The following TNRC6C variants were observed in gnomAD, a reference collection of about 807,000 sequenced individuals.
TNRC6C encodes the protein trinucleotide repeat containing adaptor 6C.
TNRC6C carries 20 observed loss-of-function variants against 153.7 expected under a neutral mutation model. The observed-to-expected ratio is 0.13, with a 90% CI of 0.09 to 0.19. TNRC6C has a LOEUF of 0.19. Among genes scored for constraint, TNRC6C ranks in the 10% least tolerant of loss-of-function variants. TNRC6C has a pLI of 1.00. For missense variants in TNRC6C, 1,987 were observed against 2,172.0 expected (o/e 0.91, Z 1.69); for synonymous variants, 811 against 841.4 (o/e 0.96, Z 0.63).
At chr17:78,087,474 G>A (rs895898056) in intron 13 of TNRC6C, among the ~76,000 whole-genome samples, 1 of 141,154 alleles carries the variant, frequency 7.1e-6, no homozygotes. Context: ...CAGGAGTTTT[G>A]CCGCTGCCAA....
At chr17:77,998,036 T>C (rs1430134730) in intron 1 of TNRC6C, among the ~76,000 whole-genome samples, 2 of 152,196 alleles carry the variant, frequency 1.3e-5, no homozygotes, top group Non-Finnish European at 1.5e-5. Flanking sequence ...TGCAGTACCA[T>C]TCACTCTGTG....
intron 3 of TNRC6C, 26 bp from the exon 6 acceptor site, chr17:78,064,696 T>C (rs2072837228): frequency 6.2e-7 from 1 of 1,608,654 alleles, no homozygotes; most frequent in Non-Finnish European, 8.5e-7. Context: ...TTCATTATTT[T>C]CTCTACCCCT....
At chr17:78,090,111 G>C (rs571652627) in intron 13 of TNRC6C, among the ~76,000 whole-genome samples, 1 of 152,232 alleles carries the variant, frequency 6.6e-6, no homozygotes, top group African/African-American at 2.4e-5. Context: ...TTGCAAAGGC[G>C]TTTTGTTAGG....
At chr17:78,071,270 T>A (rs2072991075) in intron 6 of TNRC6C, 105 bp downstream of exon 8, 1 of 1,149,890 alleles carries the variant, frequency 8.7e-7, no homozygotes, top group Non-Finnish European at 1.3e-6. Context: ...ACACCAAGAT[T>A]GTTTGAGGAA....
chr17:77,975,692 A>G (rs1382656379), intron 1 of TNRC6C, among the ~76,000 whole-genome samples: 1 of 152,208 alleles, frequency 6.6e-6, no homozygotes, highest in African/African-American at 2.4e-5. Context: ...GTAAAGGTTC[A>G]ACAACAGAAG....
chr17:77,990,320 A>G (rs369197576), intron 1 of TNRC6C, among the ~76,000 whole-genome samples: 5 of 152,342 alleles, frequency 3.3e-5, no homozygotes, highest in East Asian at 3.9e-4. Flanking sequence ...GATCTCATCA[A>G]TAACTGATTG....
At chr17:78,000,596 C>G (rs1378107597), upstream of TNRC6C, among the ~76,000 whole-genome samples, 1 of 133,560 alleles carries the variant, frequency 7.5e-6, no homozygotes, top group African/African-American at 2.9e-5. Flanking sequence ...CACACACACT[C>G]TCTGTCTCTC....
At chr17:78,072,363 T>C (rs375414163) in intron 6 of TNRC6C, among the ~76,000 whole-genome samples, 1 of 152,234 alleles carries the variant, frequency 6.6e-6, no homozygotes, top group Non-Finnish European at 1.5e-5. Context: ...GAAAAGTTGT[T>C]GATGGTGGAG....
At chr17:78,093,303 C>T in intron 15 of TNRC6C, 179 bp downstream of exon 17, 1 of 776,800 alleles carries the variant, frequency 1.3e-6, no homozygotes, top group Non-Finnish European at 2.0e-6. Context: ...GTATGGTTAG[C>T]ATCAGGCATT....
intron 1 of TNRC6C, among the ~76,000 whole-genome samples, chr17:78,028,789 C>T (rs972667463): frequency 6.6e-6 from 1 of 152,178 alleles, no homozygotes; most frequent in Non-Finnish European, 1.5e-5. Flanking sequence ...ATAGCTGTTT[C>T]TCAGCTATCA....
chr17:78,014,356 A>G (rs1465831988), intron 1 of TNRC6C, among the ~76,000 whole-genome samples: 1 of 152,190 alleles, frequency 6.6e-6, no homozygotes, highest in East Asian at 1.9e-4. Flanking sequence ...AATGTTACAT[A>G]TGAGAAGATT....
At position 78,031,703 on chromosome 17, in the gene TNRC6C, G is replaced by T; in HGVS notation, c.-358G>T. On this transcript the variant is annotated 5_prime_UTR_variant, in exon 2 of 20. Coordinates refer to ENST00000301624, the Ensembl canonical transcript of TNRC6C. The stretch of plus-strand genomic sequence containing the variant: ...GCTTCCGCCAGCAAGAACAGAAGCA[G>T]CTATTAAAGAGAGGCCAGCCATTGC... The T allele has an allele frequency of 3.2e-6, 4 of 1,232,358 alleles. No individual in the cohort carries two copies. In the East Asian group the frequency reaches 1.3e-4, roughly 39 times the overall value. The allele number at this position is 1,232,358 out of a possible 1,614,324, so 76.3% of individuals were successfully genotyped here.
intron 1 of TNRC6C, among the ~76,000 whole-genome samples, chr17:77,980,375 A>G (rs2071057797): frequency 6.6e-6 from 1 of 152,130 alleles, no homozygotes; most frequent in South Asian, 2.1e-4. Context: ...CTCGGCTCTC[A>G]CTCTACAACA....
chr17:78,050,456 C>A, exon 3 of TNRC6C: 3 of 1,614,002 alleles, frequency 1.9e-6, no homozygotes, highest in Non-Finnish European at 2.5e-6. Context: ...TTTGAAGAAT[C>A]CCCTAGGTCT....
chr17:77,991,429 G>A (rs978252149), intron 1 of TNRC6C, among the ~76,000 whole-genome samples: 1 of 152,180 alleles, frequency 6.6e-6, no homozygotes, highest in Non-Finnish European at 1.5e-5. Flanking sequence ...TTTTAGATGG[G>A]CACGTTTAGA....
chr17:78,083,148 G>T, exon 11 of TNRC6C: 2 of 1,613,886 alleles, frequency 1.2e-6, no homozygotes, highest in Non-Finnish European at 1.7e-6. Context: ...TGTTGAACCA[G>T]CTCTATCAGC....
At chr17:78,054,064 C>G (rs960512814) in intron 3 of TNRC6C, among the ~76,000 whole-genome samples, 1 of 152,158 alleles carries the variant, frequency 6.6e-6, no homozygotes, top group Non-Finnish European at 1.5e-5. Context: ...TGCTCCTAGG[C>G]TACAAACCTG....
chr17:77,964,595 T>C (rs2070883752), intron 1 of TNRC6C, among the ~76,000 whole-genome samples: 1 of 152,236 alleles, frequency 6.6e-6, no homozygotes, highest in Non-Finnish European at 1.5e-5. Context: ...GATCATTTCT[T>C]TTTAATTACT....
chr17:78,042,847 G>A (rs1280526930), intron 2 of TNRC6C, among the ~76,000 whole-genome samples: 2 of 152,006 alleles, frequency 1.3e-5, no homozygotes, highest in Non-Finnish European at 2.9e-5. Context: ...TGGTGGTGGT[G>A]GTGATGATGA....
Sources: gnomAD v4.1 joint callset for allele counts (sites outside exome capture counted in the v4.1 genomes callset) on GRCh38, gnomAD v4.1.1 for gene constraint, MANE v1.5 for transcripts, NCBI Gene and HGNC (gene_info 2026-07-23, HGNC 2026-07-21) for gene names.